The following IGSF9B variants were observed in gnomAD, a reference collection of about 807,000 sequenced individuals.
The protein encoded by IGSF9B is protein turtle homolog B.
Under a neutral mutation model 143.7 loss-of-function variants are expected in IGSF9B, and 48 were observed. The observed-to-expected ratio is 0.33, with a 90% CI of 0.26 to 0.42. The LOEUF (loss-of-function observed/expected upper bound fraction) is 0.42. IGSF9B is among the 20% of genes least tolerant of loss of function. IGSF9B has a pLI of 1.00. For synonymous variants in IGSF9B, 903 were observed against 833.1 expected (o/e 1.08, Z -1.44); for missense variants, 1,706 against 1,980.0 (o/e 0.86, Z 2.63).
chr11:133,946,028 G>A (rs745944671), intron 2 of IGSF9B, 33 bp downstream of exon 2: 1 of 1,444,378 alleles, frequency 6.9e-7, no homozygotes, highest in Non-Finnish European at 9.4e-7. Flanking sequence ...TCCAGCTGGG[G>A]AAGGTGCGGG....
chr11:133,917,598 A>G (rs1193564025), intron 18 of IGSF9B, among the ~76,000 whole-genome samples: 1 of 152,128 alleles, frequency 6.6e-6, no homozygotes, highest in African/African-American at 2.4e-5. Context: ...TACCAAGGTC[A>G]GGCTGCAGAA....
rs1405753585 is a variant in IGSF9B at position 133,904,357 on chromosome 11, T to C, written c.*4712A>G. On this transcript the variant is annotated 3_prime_UTR_variant, in exon 20 of 20. Coordinates refer to ENST00000533871, the MANE Select transcript of IGSF9B (RefSeq NM_001277285.4). ...AAGACAAGTTTCTCAGCTTTGGGCC[T>C]GAGGAGCCCCCAAAACAAATGAAGT... Among the ~76,000 whole-genome samples, 2 of 152,216 alleles carry C rather than the reference T, an allele frequency of 1.3e-5. No individual in the cohort carries two copies. Among genetic ancestry groups the C allele is most frequent in the African/African-American group, 2.4e-5 (1 of 41,454 alleles).
At chr11:133,955,539 G>C (rs1940235864) in intron 1 of IGSF9B, among the ~76,000 whole-genome samples, 1 of 152,156 alleles carries the variant, frequency 6.6e-6, no homozygotes, top group African/African-American at 2.4e-5. Context: ...CTCTGTCGGC[G>C]AGTCCTGCCT....
At chr11:133,912,045 G>A (rs577198326) in intron 18 of IGSF9B, 38 bp from the exon 19 acceptor site, 28 of 1,494,288 alleles carry the variant, frequency 1.9e-5, no homozygotes, top group Admixed American at 1.9e-4. Context: ...TTCAGCTCCC[G>A]GATGTGTGAG....
At chr11:133,918,518 C>T (rs1939438846) in intron 18 of IGSF9B, among the ~76,000 whole-genome samples, 1 of 152,166 alleles carries the variant, frequency 6.6e-6, no homozygotes, top group South Asian at 2.1e-4. Context: ...GCCGCGGCAC[C>T]TCCGCGCACA....
chr11:133,935,557 G>A, intron 7 of IGSF9B, 60 bp downstream of exon 7: 2 of 1,542,420 alleles, frequency 1.3e-6, no homozygotes, highest in Non-Finnish European at 1.8e-6. Context: ...CCTACAGTCT[G>A]GCTAACACCA....
At position 133,909,762 on chromosome 11, in the gene IGSF9B, G is replaced by A. The variant is rs1380340802; in HGVS notation, c.4106-485C>T. Among the ~76,000 whole-genome samples the A allele has an allele frequency of 6.6e-6, 1 of 152,186 alleles. No homozygotes were observed. Among genetic ancestry groups the A allele is most frequent in the African/African-American group, 2.4e-5 (1 of 41,428 alleles). On this transcript the variant is annotated intron_variant, in intron 19 of 19. Coordinates refer to ENST00000533871, the MANE Select transcript of IGSF9B (RefSeq NM_001277285.4). This position sits in a 1 kb window ranked among gnomAD's most constrained non-coding sequence, Gnocchi z 4.2. Reference sequence around the variant, plus strand: ...CTCTCCTCTGCCTCATGGCCCTTCTGGAGATTAATCAGGAATGCCTTTGCT... The same window carrying A: ...CTCTCCTCTGCCTCATGGCCCTTCTAGAGATTAATCAGGAATGCCTTTGCT...
chr11:133,931,113 T>C lies in IGSF9B; in HGVS notation c.1390A>G (p.Lys464Glu), dbSNP rs751042603. 1.2e-6 allele frequency: 2 copies of C among 1,613,136 alleles called. No homozygotes were observed. Among genetic ancestry groups the C allele is most frequent in the Non-Finnish European group, 1.7e-6 (2 of 1,179,416 alleles). ...CTCCCACTGGGCAGGGCACTGTGCTTGCTTCTGCTGGGCTTCCCTACCTTG... is the reference window on the plus strand; with the variant it reads ...CTCCCACTGGGCAGGGCACTGTGCTCGCTTCTGCTGGGCTTCCCTACCTTG... ...WRKVGKPSRS[K>E]HSALPSGSLQ... The change falls in exon 11 of 20, where the codon AAG becomes GAG. Residue 464 changes from lysine to glutamate, a missense_variant. Lys to Glu is a moderately conservative substitution (Grantham distance 56). Around this residue, in one of 7 missense-constraint regions of IGSF9B, gnomAD observed 238 missense variants for 452.6 expected, o/e 0.53. Transcript: ENST00000533871. The surrounding 1 kb of genome is among the most constrained non-coding windows in gnomAD (Gnocchi z 7.7).
chr11:133,948,594 G>C lies in IGSF9B; in HGVS notation c.65-2336C>G, dbSNP rs1940100867. Among the ~76,000 whole-genome samples the C allele has an allele frequency of 6.7e-6, 1 of 149,160 alleles. No individual in the cohort carries two copies. The highest frequency in any genetic ancestry group is 1.5e-5 in the Non-Finnish European group (1 of 67,520). On this transcript the variant is annotated intron_variant, in intron 1 of 19. Coordinates refer to ENST00000533871, the MANE Select transcript of IGSF9B (RefSeq NM_001277285.4). The surrounding 1 kb of genome is among the most constrained non-coding windows in gnomAD (Gnocchi z 4.7). ...GACCAAGAGGAATGGGTGAATAATG[G>C]GTGCCATGAGTTTGCAGAGAAGCTG...
At position 133,907,003 on chromosome 11, in the gene IGSF9B, G is replaced by A. The variant is rs1277966910; in HGVS notation, c.*2066C>T. Among the ~76,000 whole-genome samples, 3 of 152,200 alleles carry A rather than the reference G, an allele frequency of 2.0e-5. No homozygotes were observed. The highest frequency in any genetic ancestry group is 4.4e-5 in the Non-Finnish European group (3 of 68,044). On this transcript the variant is annotated 3_prime_UTR_variant, in exon 20 of 20. Coordinates refer to ENST00000533871, the MANE Select transcript of IGSF9B (RefSeq NM_001277285.4). Reference sequence around the variant, plus strand: ...CCTGGAAAAAAGAACACAAAGAGTTGTGTGCTCTTCCATCTCGCAGAGCTG... The same window carrying A: ...CCTGGAAAAAAGAACACAAAGAGTTATGTGCTCTTCCATCTCGCAGAGCTG...
At position 133,953,677 on chromosome 11, in the gene IGSF9B, GCAGA is replaced by G. The variant is rs1032842953; in HGVS notation, c.64+3010_64+3013del. ...GGATAATGTAACGACAGAATCTGTG[GCAGA>G]CAGAGGAGGCAGCCGTGGGAGTAAA... On this transcript the variant is annotated intron_variant, in intron 1 of 19. Transcript: ENST00000533871. The surrounding 1 kb of genome is among the most constrained non-coding windows in gnomAD (Gnocchi z 4.2). 3.3e-5 allele frequency among the ~76,000 whole-genome samples: 5 copies of G among 152,226 alleles called. No homozygotes were observed. Among genetic ancestry groups the G allele is most frequent in the Non-Finnish European group, 5.9e-5 (4 of 68,042 alleles).
rs1565409522 is a variant in IGSF9B at position 133,901,884 on chromosome 11, ACACAC to A, written c.*7180_*7184del. Among the ~76,000 whole-genome samples the A allele has an allele frequency of 1.4e-5, 2 of 146,000 alleles. No homozygotes were observed. The highest frequency in any genetic ancestry group is 3.0e-5 in the Non-Finnish European group (2 of 66,454). On this transcript the variant is annotated 3_prime_UTR_variant, in exon 20 of 20. Coordinates refer to ENST00000533871, the MANE Select transcript of IGSF9B (RefSeq NM_001277285.4). Reference sequence around the variant, plus strand: ...CACGCACCACACACGCACCACACACACACACAACACACACACAACACACCACACAC... The same window carrying A: ...CACGCACCACACACGCACCACACACAAACACACACACAACACACCACACAC...
chr11:133,929,788 G>A lies in IGSF9B; in HGVS notation c.1520-6C>T, dbSNP rs1389973859. The A allele has an allele frequency of 2.5e-6, 4 of 1,597,772 alleles. No homozygotes were observed. The South Asian group carries it at 3.3e-5, about 13-fold the overall frequency. On this transcript the variant is annotated splice_polypyrimidine_tract_variant and splice_region_variant and intron_variant, in intron 11 of 19. Transcript: ENST00000533871. The stretch of plus-strand genomic sequence containing the variant: ...CGGGGCATGGGGGCTGGTGCCTGGA[G>A]ATCAAGTGGAGACCTCTCAGACTGA...
At chr11:133,919,126 G>GGT in intron 18 of IGSF9B, 1 of 362,534 alleles carries the variant, frequency 2.8e-6, no homozygotes, top group South Asian at 1.9e-5. Flanking sequence ...TACGGGGGGG[G>GGT]GGTGGGGGAC....
rs1215405982 is a variant in IGSF9B, at chr11:133,945,070, A to G, written c.263-704T>C. 6.6e-6 allele frequency among the ~76,000 whole-genome samples: 1 copy of G among 152,174 alleles called. No homozygotes were observed. On this transcript the variant is annotated intron_variant, in intron 2 of 19. Coordinates refer to ENST00000533871, the MANE Select transcript of IGSF9B (RefSeq NM_001277285.4). The surrounding 1 kb of genome is among the most constrained non-coding windows in gnomAD (Gnocchi z 4.6). The stretch of plus-strand genomic sequence containing the variant: ...TTCCTCAGCTCTAATCCCCTGCCCC[A>G]GTAGGATGCCATCTGTGTCTCACAT...
At chr11:133,918,575 C>A (rs1052370198) in intron 18 of IGSF9B, among the ~76,000 whole-genome samples, 3 of 152,170 alleles carry the variant, frequency 2.0e-5, no homozygotes, top group African/African-American at 4.8e-5. Flanking sequence ...AAGCCCCGCA[C>A]CCCCTTCCTC....
chr11:133,914,510 T>G (rs1389717001), intron 18 of IGSF9B, among the ~76,000 whole-genome samples: 2 of 152,062 alleles, frequency 1.3e-5, no homozygotes, highest in African/African-American at 2.4e-5. Context: ...CTGCTTAAGT[T>G]GTATCGTCAA....
At chr11:133,951,016 T>TCCTGG (rs1940148290) in intron 1 of IGSF9B, among the ~76,000 whole-genome samples, 1 of 151,790 alleles carries the variant, frequency 6.6e-6, no homozygotes, top group Admixed American at 6.6e-5. Flanking sequence ...CAGCCCCCAA[T>TCCTGG]AGTCCCCCAA....
In IGSF9B at chr11:133,920,939, C is replaced by T. The variant is rs533134144; in HGVS notation, c.2786G>A (p.Ser929Asn). 6 of 1,610,644 alleles carry T rather than the reference C, an allele frequency of 3.7e-6. No homozygotes were observed. In the South Asian group the frequency reaches 6.6e-5, roughly 18 times the overall value. The change falls in exon 18 of 20, where the codon AGC becomes AAC. Residue 929 changes from serine (S) to asparagine (N), a missense_variant. This residue lies in a region of IGSF9B where 880 missense variants were observed against 762.9 expected (regional missense o/e 1.15). Coordinates refer to ENST00000533871, the MANE Select transcript of IGSF9B (RefSeq NM_001277285.4). ...QESYLPPPAY[S>N]PRFQPRGLEG... Reference sequence around the variant, plus strand: ...CAGCCCGCGGGGCTGGAACCGAGGGCTGTATGCTGGTGGTGGCAGGTAGGA... The same window carrying T: ...CAGCCCGCGGGGCTGGAACCGAGGGTTGTATGCTGGTGGTGGCAGGTAGGA...
Sources: gnomAD v4.1 joint callset for allele counts (sites outside exome capture counted in the v4.1 genomes callset) on GRCh38, gnomAD v4.1.1 for gene constraint, gnomAD v4.1.1 regional missense constraint, Gnocchi (gnomAD v3.1) non-coding constraint, MANE v1.5 for transcripts, NCBI Gene and HGNC (gene_info 2026-07-23, HGNC 2026-07-21) for gene names.